Variants in DIP2C observed in about 807,000 individuals in gnomAD.
DIP2C encodes the protein DIP2 acetate--CoA ligase C (putative), also known as disco-interacting protein 2 homolog C.
In DIP2C, 33 loss-of-function variants were observed where a neutral mutation model predicts 192.4. The ratio of observed to expected loss-of-function variants is 0.17; its 90% confidence interval spans 0.13 to 0.23. The LOEUF is 0.23. DIP2C is among the 10% of genes least tolerant of loss of function. The pLI is 1.00. For missense variants in DIP2C, 1,537 were observed against 2,110.1 expected, an observed-to-expected ratio of 0.73 and a Z score of 5.32; for synonymous variants, 979 against 864.1, an observed-to-expected ratio of 1.13 and a Z score of -2.33.
intron 32 of DIP2C, among the ~76,000 whole-genome samples, chr10:297,548 A>C (rs974746993): frequency 6.6e-6 from 1 of 152,218 alleles, no homozygotes; most frequent in African/African-American, 2.4e-5. Context: ...GCAGGACACT[A>C]AATAAAGTGA....
chr10:519,462 A>C (rs1340269597), intron 1 of DIP2C, among the ~76,000 whole-genome samples: 1 of 152,186 alleles, frequency 6.6e-6, no homozygotes, highest in Admixed American at 6.5e-5. Flanking sequence ...GTGGTATTGG[A>C]TATGGCAATA....
intron 1 of DIP2C, among the ~76,000 whole-genome samples, chr10:494,396 A>C (rs1427135102): frequency 1.3e-5 from 2 of 152,140 alleles, no homozygotes. Flanking sequence ...TTTCCACAAC[A>C]CATCAAGCAT....
Position 401,772 on chromosome 10 carries a change from T to C in DIP2C, c.1150-2553A>G, listed in dbSNP as rs530867673. On this transcript the variant is annotated intron_variant, in intron 9 of 36. Transcript: ENST00000280886. ...ACACGTGTGGCAGCATTAGCATTAC[T>C]CTTCCTTATGGACAAGTTTGGTACA... Among the ~76,000 whole-genome samples, 57 of 150,916 alleles carry C rather than the reference T, an allele frequency of 3.8e-4. 1 individual carries two copies. The highest frequency in any genetic ancestry group is 1.3e-3 in the African/African-American group (55 of 40,948).
At chr10:378,987 C>CA (rs1432702623) in intron 17 of DIP2C, among the ~76,000 whole-genome samples, 2 of 152,228 alleles carry the variant, frequency 1.3e-5, no homozygotes, top group Non-Finnish European at 2.9e-5. Flanking sequence ...TAAAGACTCT[C>CA]AACCTCCCTA....
intron 1 of DIP2C, among the ~76,000 whole-genome samples, chr10:506,644 G>A (rs1845610387): frequency 6.6e-6 from 1 of 152,208 alleles, no homozygotes; most frequent in South Asian, 2.1e-4. Flanking sequence ...TGCACCAAGG[G>A]GCTGGGCACT....
chr10:333,060 G>A (rs1028829635), intron 29 of DIP2C, among the ~76,000 whole-genome samples: 3 of 152,050 alleles, frequency 2.0e-5, no homozygotes, highest in African/African-American at 2.4e-5. Context: ...GTGCCACCAC[G>A]CCAGGCTAAT....
intron 3 of DIP2C, among the ~76,000 whole-genome samples, chr10:469,949 G>A (rs935174546): frequency 5.9e-5 from 9 of 152,308 alleles, no homozygotes; most frequent in Admixed American, 5.9e-4. Context: ...ACAGAACAGA[G>A]ATCCTGGCCT....
At position 361,996 on chromosome 10, in the gene DIP2C, G is replaced by A. The variant is rs1192387466; in HGVS notation, c.2794+494C>T. On this transcript the variant is annotated intron_variant, in intron 22 of 36. Coordinates refer to ENST00000280886, the MANE Select transcript of DIP2C (RefSeq NM_014974.3). ...AACACCAGAGACCATGAGAACAGCC[G>A]TGTGTGGGAGGGGGCGGAAACAAAC... 2.6e-5 allele frequency among the ~76,000 whole-genome samples: 4 copies of A among 151,856 alleles called. No individual in the cohort carries two copies. The South Asian group carries it at 6.3e-4, about 24-fold the overall frequency.
At chr10:670,341 T>C (rs1282508179) in intron 1 of DIP2C, among the ~76,000 whole-genome samples, 2 of 152,038 alleles carry the variant, frequency 1.3e-5, no homozygotes, top group Admixed American at 6.5e-5. Flanking sequence ...TGCGCACGCG[T>C]ACATGCACAT....
chr10:683,273 G>A (rs912409803), intron 1 of DIP2C, among the ~76,000 whole-genome samples: 2 of 152,192 alleles, frequency 1.3e-5, no homozygotes, highest in Non-Finnish European at 1.5e-5. Flanking sequence ...CCGAAGAGGC[G>A]GAGCCCTCGT....
intron 13 of DIP2C, 111 bp downstream of exon 13, chr10:389,880 G>A (rs540495624): frequency 4.8e-6 from 4 of 832,692 alleles, no homozygotes; most frequent in East Asian, 4.9e-5. Context: ...CAGCGGAGCT[G>A]GGCACAAACT....
At chr10:383,496 G>A (rs1485026621) in intron 16 of DIP2C, among the ~76,000 whole-genome samples, 1 of 152,196 alleles carries the variant, frequency 6.6e-6, no homozygotes, top group Non-Finnish European at 1.5e-5. Flanking sequence ...ATAGTATTCT[G>A]TGGAGCTGCT....
At chr10:526,009 T>A (rs1847029355) in intron 1 of DIP2C, among the ~76,000 whole-genome samples, 1 of 152,198 alleles carries the variant, frequency 6.6e-6, no homozygotes, top group African/African-American at 2.4e-5. Flanking sequence ...CACCTCCTTC[T>A]GCAACGCCTG....
chr10:321,042 G>A (rs1439438078), intron 31 of DIP2C, among the ~76,000 whole-genome samples: 1 of 152,144 alleles, frequency 6.6e-6, no homozygotes, highest in Non-Finnish European at 1.5e-5. Flanking sequence ...TGAGAAAGTG[G>A]CTTAGGAACA....
intron 4 of DIP2C, among the ~76,000 whole-genome samples, chr10:440,302 G>A (rs1421304720): frequency 6.6e-6 from 1 of 152,194 alleles, no homozygotes; most frequent in Non-Finnish European, 1.5e-5. Flanking sequence ...TTGGTACACA[G>A]CCATACCCAC....
chr10:417,667 AGGGCTCG>A (rs1564684659), intron 6 of DIP2C, among the ~76,000 whole-genome samples: 12 of 5,280 alleles, frequency 2.3e-3, no homozygotes, highest in South Asian at 0.012. Context: ...TGTTCCTGTC[AGGGCTCG>A]GATAGGCCTC....
intron 4 of DIP2C, among the ~76,000 whole-genome samples, chr10:429,897 G>A (rs1020327450): frequency 8.5e-5 from 13 of 152,230 alleles, no homozygotes; most frequent in African/African-American, 2.6e-4. Flanking sequence ...TTGAGCAAAT[G>A]CCAAGGAGTG....
At chr10:664,168 C>T (rs1212070736) in intron 1 of DIP2C, 1 of 150,548 alleles carries the variant, frequency 6.6e-6, no homozygotes, top group Non-Finnish European at 1.5e-5. Flanking sequence ...AAAGCCCGGA[C>T]ACAAAGGATC....
In DIP2C at chr10:419,153, G is replaced by C; in HGVS notation, c.651C>G (p.His217Gln). 1.2e-6 allele frequency: 2 copies of C among 1,614,268 alleles called. No individual in the cohort carries two copies. The highest frequency in any genetic ancestry group is 1.7e-6 in the Non-Finnish European group (2 of 1,180,044). ...PPDVTTYTSE[H>Q]SIQVERPQGS... ...CCTGCGGTCTCTCCACCTGTATCGA[G>C]TGCTCTGAGGTGTACGTGGTTACGT... The change falls in exon 6 of 37, where the codon CAC (histidine) becomes CAG (glutamine). Residue 217 changes from histidine to glutamine, a missense_variant. This residue lies in a region of DIP2C where 473 missense variants were observed against 539.6 expected (regional missense o/e 0.88). Coordinates refer to ENST00000280886, the MANE Select transcript of DIP2C (RefSeq NM_014974.3).
Sources: gnomAD v4.1 joint callset for allele counts (sites outside exome capture counted in the v4.1 genomes callset) on GRCh38, gnomAD v4.1.1 for gene constraint, gnomAD v4.1.1 regional missense constraint, MANE v1.5 for transcripts, NCBI Gene and HGNC (gene_info 2026-07-23, HGNC 2026-07-21) for gene names.